LRPPRC: variants seen among roughly 807,000 people sequenced by gnomAD.
LRPPRC encodes the protein leucine rich pentatricopeptide repeat containing.
Under a neutral mutation model 180.3 loss-of-function variants are expected in LRPPRC, and 120 were observed. The ratio of observed to expected loss-of-function variants is 0.67; its 90% CI spans 0.57 to 0.77. The LOEUF (loss-of-function observed/expected upper bound fraction) is 0.77. Ranked by LOEUF, LRPPRC falls within the 30% of genes least tolerant of loss-of-function variation. LRPPRC has a pLI of 0.00. For synonymous variants in LRPPRC, 723 were observed against 600.0 expected, an observed-to-expected ratio of 1.21 and a Z score of -3.00; for missense variants, 2,012 against 1,657.2, an observed-to-expected ratio of 1.21 and a Z score of -3.72.
chr2:43,924,927 A>G (rs1671823692), intron 27 of LRPPRC, 140 bp downstream of exon 27: 2 of 675,940 alleles, frequency 3.0e-6, no homozygotes, highest in African/African-American at 3.6e-5. Flanking sequence ...ATAAAATTCA[A>G]TCTAGCCTCT....
chr2:43,970,669 AT>A (rs1673765624), intron 11 of LRPPRC, among the ~76,000 whole-genome samples: 1 of 152,268 alleles, frequency 6.6e-6, no homozygotes, highest in Non-Finnish European at 1.5e-5. Context: ...AATGAGAATT[AT>A]AACAGCTCAC....
intron 32 of LRPPRC, among the ~76,000 whole-genome samples, chr2:43,900,761 C>T (rs775746376): frequency 6.6e-5 from 10 of 152,078 alleles, no homozygotes; most frequent in African/African-American, 1.7e-4. Context: ...CCATAAAGTA[C>T]TTTGCTAGGG....
chr2:43,927,392 A>G (rs1377294670), intron 25 of LRPPRC, among the ~76,000 whole-genome samples: 1 of 152,210 alleles, frequency 6.6e-6, no homozygotes, highest in East Asian at 1.9e-4. Context: ...GAAGTTGGAT[A>G]GCTTGTTCTC....
chr2:43,953,068 TTC>T (rs1281547458), intron 14 of LRPPRC, among the ~76,000 whole-genome samples: 1 of 152,340 alleles, frequency 6.6e-6, no homozygotes, highest in Non-Finnish European at 1.5e-5. Context: ...AGAACCACTG[TTC>T]TCTCAGCCTC....
intron 35 of LRPPRC, 127 bp downstream of exon 35, chr2:43,896,507 C>A (rs1434870702): frequency 4.4e-6 from 3 of 683,888 alleles, no homozygotes; most frequent in East Asian, 2.8e-5. Context: ...TAGAGACAAG[C>A]AAAGTCTTGA....
At chr2:43,900,980 C>A (rs535753260) in intron 32 of LRPPRC, among the ~76,000 whole-genome samples, 1 of 152,146 alleles carries the variant, frequency 6.6e-6, no homozygotes, top group South Asian at 2.1e-4. Context: ...CTACTAGTGT[C>A]CCTATCAAAT....
At chr2:43,904,110 T>C (rs563315676) in intron 31 of LRPPRC, among the ~76,000 whole-genome samples, 2 of 152,160 alleles carry the variant, frequency 1.3e-5, no homozygotes, top group South Asian at 4.1e-4. Flanking sequence ...GCCTGGCTAT[T>C]TAAAAATTTT....
At chr2:43,960,505 C>T (rs1457052772) in intron 13 of LRPPRC, 36 bp downstream of exon 13, 2 of 1,099,688 alleles carry the variant, frequency 1.8e-6, no homozygotes, top group South Asian at 2.5e-5. Flanking sequence ...CTGAAATAAA[C>T]ATCTATCAAG....
chr2:43,915,792 C>CT (rs1558931652), intron 29 of LRPPRC, among the ~76,000 whole-genome samples: 1 of 152,140 alleles, frequency 6.6e-6, no homozygotes, highest in Non-Finnish European at 1.5e-5. Flanking sequence ...TTCTTTCTTT[C>CT]TTTTTTTGAG....
In LRPPRC at chr2:43,973,777, A is replaced by T. The variant is rs372550881; in HGVS notation, c.1261+18T>A. The T allele has an allele frequency of 8.7e-5, 139 of 1,606,912 alleles. 1 individual carries two copies. The highest frequency in any genetic ancestry group is 9.2e-5 in the Non-Finnish European group (108 of 1,173,588). ...AGCAAAACTTCCTTACTTGGCTTTA[A>T]CTTTAAGAATGTAGTACCAGTTTTA... is the stretch of plus-strand genomic sequence containing the variant. On this transcript the variant is annotated intron_variant, in intron 10 of 37. Coordinates refer to ENST00000260665, the MANE Select transcript of LRPPRC (RefSeq NM_133259.4).
At position 43,973,900 on chromosome 2, in the gene LRPPRC, G is replaced by C; in HGVS notation, c.1156C>G (p.Pro386Ala). 1.3e-6 allele frequency: 2 copies of C among 1,581,146 alleles called. No individual in the cohort carries two copies. The highest frequency in any genetic ancestry group is 1.1e-5 in the South Asian group (1 of 90,416). Residue 386 changes from proline to alanine, a missense_variant and splice_region_variant, in exon 10 of 38, where the codon CCT becomes GCT. Pro to Ala is a conservative substitution (Grantham distance 27, BLOSUM62 -1). Transcript: ENST00000260665. ...CAGTAGTCTGTTAGCTTCTCCACAG[G>C]CTGTGGGAAAAAAGTCACCACATTA... ...FLQHCVTMNT[P>A]VEKLTDYCKK...
At chr2:43,908,661 A>G (rs577714639) in intron 30 of LRPPRC, among the ~76,000 whole-genome samples, 2 of 151,934 alleles carry the variant, frequency 1.3e-5, no homozygotes, top group South Asian at 4.2e-4. Flanking sequence ...AACTGGAATT[A>G]CATACAGGCA....
intron 11 of LRPPRC, among the ~76,000 whole-genome samples, chr2:43,966,625 G>A (rs1386102136): frequency 6.6e-6 from 1 of 151,402 alleles, no homozygotes; most frequent in East Asian, 2.0e-4. Context: ...GGCCAGGCTG[G>A]TCTCAAACTC....
chr2:43,994,442 C>G (rs928625500), intron 1 of LRPPRC, among the ~76,000 whole-genome samples: 44 of 152,202 alleles, frequency 2.9e-4, no homozygotes, highest in African/African-American at 1.0e-3. Flanking sequence ...AGGCCCTATA[C>G]TAAGTGCTTA....
intron 27 of LRPPRC, among the ~76,000 whole-genome samples, chr2:43,923,159 T>C (rs1671756130): frequency 1.4e-5 from 2 of 138,958 alleles, no homozygotes; most frequent in Admixed American, 1.5e-4. Flanking sequence ...CTAAATGTTG[T>C]ATATTTTTTT....
chr2:43,896,000 C>T lies in LRPPRC; in HGVS notation c.3900+634G>A, dbSNP rs1670666042. ...CCCTTTTACAGTGTAAATAAAGTAA[C>T]TGCACAAATTAGAATTAATTTGTGG... On this transcript the variant is annotated intron_variant, in intron 35 of 37. Coordinates refer to ENST00000260665, the MANE Select transcript of LRPPRC (RefSeq NM_133259.4). Among the ~76,000 whole-genome samples the T allele has an allele frequency of 2.6e-5, 4 of 151,980 alleles. No individual in the cohort carries two copies. The South Asian group carries it at 8.3e-4, about 32-fold the overall frequency.
chr2:43,894,305 T>C (rs1670603289), intron 36 of LRPPRC, among the ~76,000 whole-genome samples: 1 of 152,244 alleles, frequency 6.6e-6, no homozygotes, highest in Admixed American at 6.5e-5. Flanking sequence ...GCTCGGAAGA[T>C]GTTCAGTGAT....
intron 30 of LRPPRC, among the ~76,000 whole-genome samples, chr2:43,909,816 GAGA>G (rs1163317235): frequency 6.6e-6 from 1 of 151,980 alleles, no homozygotes. Flanking sequence ...TAAAGATCTA[GAGA>G]AGAAGGGAAG....
rs142001271 is a variant in LRPPRC at position 43,942,361 on chromosome 2, C to G, written c.2504+1326G>C. ...AATTGAAAAAAATTCTAATAGGAAG[C>G]ATATTAATTATAGGATTTCTATATA... On this transcript the variant is annotated intron_variant, in intron 23 of 37. Transcript: ENST00000260665. 2.7e-3 allele frequency among the ~76,000 whole-genome samples: 408 copies of G among 152,154 alleles called. 4 individuals carry two copies. The highest frequency in any genetic ancestry group is 9.3e-3 in the African/African-American group (387 of 41,508).
Sources: allele counts gnomAD v4.1 joint callset (sites outside exome capture counted in the v4.1 genomes callset), GRCh38; gene constraint gnomAD v4.1.1; transcripts MANE v1.5; gene names NCBI Gene and HGNC (gene_info 2026-07-23, HGNC 2026-07-21).